SPATA16: variants seen among roughly 807,000 people sequenced by gnomAD.
The protein encoded by SPATA16 is spermatogenesis-associated protein 16.
In SPATA16, 36 loss-of-function variants were observed where a neutral mutation model predicts 63.3. The ratio of observed to expected loss-of-function variants is 0.57; its 90% CI spans 0.44 to 0.75. The LOEUF is 0.75. Among genes scored for constraint, SPATA16 ranks in the 30% least tolerant of loss-of-function variants. SPATA16 has a pLI of 0.00. For missense variants in SPATA16, 646 were observed against 679.3 expected (o/e 0.95, Z 0.54); for synonymous variants, 203 against 216.7 (o/e 0.94, Z 0.56).
chr3:173,126,081 G>A (rs1325755976), intron 1 of SPATA16, among the ~76,000 whole-genome samples: 1 of 152,028 alleles, frequency 6.6e-6, no homozygotes, highest in African/African-American at 2.4e-5. Context: ...GTTACTCTAT[G>A]TCAACAATAT....
At chr3:173,069,316 G>T (rs528066853) in intron 2 of SPATA16, among the ~76,000 whole-genome samples, 8 of 148,740 alleles carry the variant, frequency 5.4e-5, no homozygotes, top group African/African-American at 2.0e-4. Context: ...GTAACTGATA[G>T]CACAGAAATT....
intron 1 of SPATA16, among the ~76,000 whole-genome samples, chr3:173,129,813 A>T (rs1738322301): frequency 6.6e-6 from 1 of 152,124 alleles, no homozygotes. Flanking sequence ...CCTATCACAA[A>T]CAGGGATGGC....
chr3:172,995,980 C>G (rs1734684163), intron 4 of SPATA16, among the ~76,000 whole-genome samples: 1 of 151,868 alleles, frequency 6.6e-6, no homozygotes, highest in Non-Finnish European at 1.5e-5. Flanking sequence ...TCCTTTTTTT[C>G]TGTTCAAGTA....
intron 2 of SPATA16, among the ~76,000 whole-genome samples, chr3:173,094,420 T>G (rs1171630116): frequency 1.3e-5 from 2 of 152,164 alleles, no homozygotes; most frequent in African/African-American, 4.8e-5. Flanking sequence ...CATATAGTTG[T>G]GAAGATTCAG....
At chr3:173,065,994 A>T (rs1286716954) in intron 2 of SPATA16, among the ~76,000 whole-genome samples, 4 of 152,168 alleles carry the variant, frequency 2.6e-5, no homozygotes, top group African/African-American at 9.7e-5. Context: ...GCATGCAGCT[A>T]TGAGACACTG....
intron 2 of SPATA16, among the ~76,000 whole-genome samples, chr3:173,103,803 C>T (rs1446423433): frequency 6.6e-6 from 1 of 152,230 alleles, no homozygotes; most frequent in Non-Finnish European, 1.5e-5. Context: ...CAAGTGGTTG[C>T]TCTGCAGCCT....
rs185680125 is a variant in SPATA16 at position 173,047,017 on chromosome 3, A to G, written c.758+1932T>C. Among the ~76,000 whole-genome samples the G allele has an allele frequency of 9.3e-3, 1,408 of 152,076 alleles. 9 individuals are homozygous for G. Among genetic ancestry groups the G allele is most frequent in the Non-Finnish European group, 0.015 (999 of 67,830 alleles). On this transcript the variant is annotated intron_variant, in intron 3 of 10. Coordinates refer to ENST00000351008, the MANE Select transcript of SPATA16 (RefSeq NM_031955.6). ...AATAGGAAAGATAACTTTACTATTC[A>G]CTGTTGTACACATTAAATTCGGTAA...
chr3:173,093,692 G>A (rs778342164), intron 2 of SPATA16, among the ~76,000 whole-genome samples: 9 of 152,068 alleles, frequency 5.9e-5, no homozygotes, highest in East Asian at 3.9e-4. Flanking sequence ...TTGGGCCATC[G>A]CTATTGTATA....
chr3:173,124,762 T>G (rs1738182085), intron 1 of SPATA16, among the ~76,000 whole-genome samples: 1 of 152,160 alleles, frequency 6.6e-6, no homozygotes, highest in African/African-American at 2.4e-5. Flanking sequence ...GACACCATGC[T>G]CTTCCAATTT....
At chr3:172,914,701 C>T (rs868823701) in intron 9 of SPATA16, among the ~76,000 whole-genome samples, 7 of 151,924 alleles carry the variant, frequency 4.6e-5, no homozygotes, top group Non-Finnish European at 5.9e-5. Context: ...AAATGCTTGG[C>T]ATACAGATAT....
At chr3:173,026,007 A>G (rs935678489) in intron 3 of SPATA16, among the ~76,000 whole-genome samples, 1 of 152,122 alleles carries the variant, frequency 6.6e-6, no homozygotes, top group African/African-American at 2.4e-5. Context: ...ACGTCTTTCC[A>G]AAGCAGTTGT....
chr3:173,089,728 T>C (rs1053481107), intron 2 of SPATA16, among the ~76,000 whole-genome samples: 15 of 151,956 alleles, frequency 9.9e-5, no homozygotes, highest in African/African-American at 3.6e-4. Flanking sequence ...AAGCACTGAA[T>C]TGGAAATAAT....
Position 173,015,064 on chromosome 3 carries a change from C to CT in SPATA16, c.848+4421dup, listed in dbSNP as rs34843727. Among the ~76,000 whole-genome samples the CT allele has an allele frequency of 4.1e-3, 553 of 136,464 alleles. 2 individuals carry two copies. The highest frequency in any genetic ancestry group is 0.01 in the East Asian group (50 of 4,796). 89.5% of individuals were successfully genotyped at this position (136,464 alleles called of 152,430 possible). On this transcript the variant is annotated intron_variant, in intron 4 of 10. Transcript: ENST00000351008. ...CAGAAAATTCTTTTTTCTTTTTTCTCTTTTTTTTTTTTTTTTGAGACAGAG... is the reference window on the plus strand; with the variant it reads ...CAGAAAATTCTTTTTTCTTTTTTCTCTTTTTTTTTTTTTTTTTGAGACAGAG...
chr3:173,085,439 A>G (rs1176952941), intron 2 of SPATA16, among the ~76,000 whole-genome samples: 1 of 152,182 alleles, frequency 6.6e-6, no homozygotes, highest in Admixed American at 6.5e-5. Context: ...TTCTAATTAT[A>G]AAATCATGTC....
At chr3:172,979,095 C>G (rs1332067391) in intron 4 of SPATA16, among the ~76,000 whole-genome samples, 2 of 152,184 alleles carry the variant, frequency 1.3e-5, no homozygotes, top group African/African-American at 2.4e-5. Flanking sequence ...AAATTAGCCA[C>G]GTGTGGCGGC....
At chr3:173,069,598 C>T (rs113091131) in intron 2 of SPATA16, among the ~76,000 whole-genome samples, 100 of 152,266 alleles carry the variant, frequency 6.6e-4, no homozygotes, top group African/African-American at 2.4e-3. Flanking sequence ...CTATTCTAAA[C>T]AATTGAGGAG....
In SPATA16 at chr3:173,091,933, T is replaced by C. The variant is rs76807676; in HGVS notation, c.612+25187A>G. Among the ~76,000 whole-genome samples the C allele has an allele frequency of 3.4e-3, 510 of 152,202 alleles. 28 individuals are homozygous for C. The East Asian group carries it at 0.089, about 27-fold the overall frequency. On this transcript the variant is annotated intron_variant, in intron 2 of 10. Coordinates refer to ENST00000351008, the MANE Select transcript of SPATA16 (RefSeq NM_031955.6). ...GATTATCTTTTCCAGAATATTTATA[T>C]AGAGAATAGCCTGGGAAGAGGCAGG...
chr3:173,113,578 A>G (rs948496537), intron 2 of SPATA16, among the ~76,000 whole-genome samples: 2 of 152,366 alleles, frequency 1.3e-5, no homozygotes, highest in Admixed American at 6.5e-5. Flanking sequence ...GAATCATTGC[A>G]TATCATTTGA....
intron 4 of SPATA16, among the ~76,000 whole-genome samples, chr3:173,010,251 C>A (rs559443723): frequency 2.0e-5 from 3 of 152,174 alleles, no homozygotes; most frequent in Non-Finnish European, 2.9e-5. Flanking sequence ...ATTGTGCCCC[C>A]CTCTGTTGCC....
Sources: allele counts gnomAD v4.1 joint callset (sites outside exome capture counted in the v4.1 genomes callset), GRCh38; gene constraint gnomAD v4.1.1; transcripts MANE v1.5; gene names NCBI Gene and HGNC (gene_info 2026-07-23, HGNC 2026-07-21).